NEDD4: variants seen among roughly 807,000 people sequenced by gnomAD.
NEDD4 encodes E3 ubiquitin-protein ligase NEDD4.
In NEDD4, 99 loss-of-function variants were observed where a neutral mutation model predicts 144.9. That is an observed-to-expected ratio of 0.68 (90% CI 0.58 to 0.81). NEDD4 has a LOEUF of 0.81. Ranked by LOEUF, NEDD4 falls within the 30% of genes least tolerant of loss-of-function variation. NEDD4 has a pLI of 0.00. For synonymous variants in NEDD4, 318 were observed against 350.6 expected (o/e 0.91, Z 1.04); for missense variants, 985 against 1,065.9 (o/e 0.92, Z 1.06).
intron 9 of NEDD4, among the ~76,000 whole-genome samples, chr15:55,862,704 G>C (rs1357063967): frequency 6.6e-6 from 1 of 152,098 alleles, no homozygotes; most frequent in Non-Finnish European, 1.5e-5. Flanking sequence ...GTAGTATCTA[G>C]AGTCAAGTAA....
At chr15:55,941,814 A>C (rs8042640) in intron 4 of NEDD4, among the ~76,000 whole-genome samples, 139,942 of 152,192 alleles carry the variant, frequency 0.92, 64,456 homozygotes, top group Non-Finnish European at 0.95. Context: ...CTCAAGTGAT[A>C]TGCCTGCATC....
At chr15:55,990,699 A>G (rs1293116489) in intron 1 of NEDD4, among the ~76,000 whole-genome samples, 3 of 152,124 alleles carry the variant, frequency 2.0e-5, no homozygotes, top group African/African-American at 4.8e-5. Context: ...TGTGGGAAAC[A>G]GTGTTTAGTT....
At chr15:55,921,983 A>T (rs1392722249) in intron 5 of NEDD4, among the ~76,000 whole-genome samples, 1 of 152,236 alleles carries the variant, frequency 6.6e-6, no homozygotes, top group Non-Finnish European at 1.5e-5. Flanking sequence ...AAAATAGTTC[A>T]CCAATAATAC....
At chr15:55,914,915 C>G (rs1202882112) in intron 5 of NEDD4, among the ~76,000 whole-genome samples, 1 of 151,762 alleles carries the variant, frequency 6.6e-6, no homozygotes, top group African/African-American at 2.4e-5. Context: ...AAGTATTGAG[C>G]TACACAAAAG....
chr15:55,832,868 A>C (rs754323847), intron 27 of NEDD4, 140 bp downstream of exon 27: 1 of 602,336 alleles, frequency 1.7e-6, no homozygotes, highest in Non-Finnish European at 2.9e-6. Flanking sequence ...AGTGTCCCTA[A>C]TGGTATCACT....
chr15:55,966,451 T>C lies in NEDD4; in HGVS notation c.119+22A>G, dbSNP rs2037514293. 3 of 1,423,452 alleles carry C rather than the reference T, an allele frequency of 2.1e-6. No homozygotes were observed. In the Admixed American group the frequency reaches 7.8e-5, roughly 37 times the overall value. The allele number at this position is 1,423,452 out of a possible 1,614,324, so 88.2% of individuals were successfully genotyped here. ...TAACAAATGCAAAGTTTTAAAATTATAATCCAAATAGATATACTTACCTAG... is the reference window on the plus strand; with the variant it reads ...TAACAAATGCAAAGTTTTAAAATTACAATCCAAATAGATATACTTACCTAG... On this transcript the variant is annotated intron_variant, in intron 2 of 28. Transcript: ENST00000435532.
At position 55,895,699 on chromosome 15, in the gene NEDD4, A is replaced by G. The variant is rs570395438; in HGVS notation, c.292-21691T>C. 2.0e-5 allele frequency among the ~76,000 whole-genome samples: 3 copies of G among 152,292 alleles called. No homozygotes were observed. In the South Asian group the frequency reaches 6.2e-4, roughly 32 times the overall value. On this transcript the variant is annotated intron_variant, in intron 5 of 28. Coordinates refer to ENST00000435532, the MANE Select transcript of NEDD4 (RefSeq NM_006154.4). ...AATTTGCAGTTCTTGGGTGATACTA[A>G]TGCATCTGGCCAGCAATACACCTTG...
rs917730535 is a variant in NEDD4 at position 55,838,385 on chromosome 15, C to T, written c.2127+124G>A. On this transcript the variant is annotated intron_variant, in intron 22 of 28. Transcript: ENST00000435532. ...GAAAGTACAAATTCTTGCTCAGAGACAGCTTTTGTTACTGGGAAATGAATG... is the reference window on the plus strand; with the variant it reads ...GAAAGTACAAATTCTTGCTCAGAGATAGCTTTTGTTACTGGGAAATGAATG... The T allele has an allele frequency of 3.9e-6, 3 of 767,586 alleles. No homozygotes were observed. In the South Asian group the frequency reaches 5.0e-5, roughly 13 times the overall value. The allele number at this position is 767,586 out of a possible 1,614,324, so 47.5% of individuals were successfully genotyped here. A position where few individuals can be genotyped will look rare whatever the true frequency, so the allele number is the denominator to read the frequency against.
chr15:55,856,254 T>G, intron 11 of NEDD4, 58 bp from the exon 12 acceptor site: 1 of 1,471,360 alleles, frequency 6.8e-7, no homozygotes, highest in Non-Finnish European at 9.5e-7. Context: ...TGCCTTTGAG[T>G]GACAGCTAAG....
intron 5 of NEDD4, among the ~76,000 whole-genome samples, chr15:55,892,558 T>C (rs1311137498): frequency 6.6e-6 from 1 of 152,046 alleles, no homozygotes; most frequent in Non-Finnish European, 1.5e-5. Context: ...ATCAGCACTT[T>C]TCTTTCAAGA....
intron 4 of NEDD4, among the ~76,000 whole-genome samples, chr15:55,946,157 T>C (rs1258742155): frequency 1.3e-5 from 2 of 152,090 alleles, no homozygotes; most frequent in African/African-American, 2.4e-5. Context: ...CATAACAATA[T>C]TAACCTTAAA....
chr15:55,920,348 T>C (rs998307660), intron 5 of NEDD4, among the ~76,000 whole-genome samples: 1 of 152,116 alleles, frequency 6.6e-6, no homozygotes, highest in Non-Finnish European at 1.5e-5. Context: ...ACCCAGAATA[T>C]AGGTGGCTCC....
intron 8 of NEDD4, among the ~76,000 whole-genome samples, chr15:55,863,810 C>T (rs1055949846): frequency 4.1e-4 from 62 of 152,190 alleles, no homozygotes; most frequent in African/African-American, 1.4e-3. Context: ...AACTATCTGA[C>T]ACATGGAAAA....
chr15:55,962,720 A>C (rs1485379359), intron 2 of NEDD4, among the ~76,000 whole-genome samples: 9 of 152,092 alleles, frequency 5.9e-5, no homozygotes, highest in Admixed American at 1.3e-4. Context: ...TCGGGATTAC[A>C]AGGGTGAGCC....
intron 17 of NEDD4, 52 bp from the exon 18 acceptor site, chr15:55,847,086 G>A (rs773186343): frequency 2.8e-5 from 34 of 1,218,616 alleles, no homozygotes; most frequent in Non-Finnish European, 3.6e-5. Flanking sequence ...TTTTTATTCT[G>A]GAACAATTTT....
At chr15:55,880,459 G>A (rs533309029) in intron 5 of NEDD4, among the ~76,000 whole-genome samples, 11 of 150,820 alleles carry the variant, frequency 7.3e-5, no homozygotes, top group Non-Finnish European at 8.9e-5. Context: ...TGAAATATAA[G>A]AGAGTACTTC....
rs761351364 is a variant in NEDD4, at chr15:55,838,114, A to G, written c.2194T>C (p.Tyr732His). Residue 732 changes from tyrosine to histidine, a missense_variant, in exon 23 of 29, where the codon TAT becomes CAT. By Grantham distance (83) the Tyr-to-His change is moderately conservative. Coordinates refer to ENST00000435532, the MANE Select transcript of NEDD4 (RefSeq NM_006154.4). ...IVVTNKNKKEYIYLVIQWRFV... is the reference protein window; with the variant it reads ...IVVTNKNKKEHIYLVIQWRFV... ...TACTAATAAAATACTTACTAAATAT[A>G]TTCCTTTTTGTTCTTATTGGTGACA... 1.3e-6 allele frequency: 2 copies of G among 1,549,552 alleles called. No homozygotes were observed. Among genetic ancestry groups the G allele is most frequent in the Non-Finnish European group, 1.8e-6 (2 of 1,132,782 alleles).
At chr15:55,850,006 G>T (rs1442152326) in intron 14 of NEDD4, among the ~76,000 whole-genome samples, 1 of 151,976 alleles carries the variant, frequency 6.6e-6, no homozygotes, top group South Asian at 2.1e-4. Context: ...TGTTAGCCAG[G>T]ATGGTCTCGA....
intron 27 of NEDD4, among the ~76,000 whole-genome samples, chr15:55,831,645 T>C (rs1595719233): frequency 6.6e-6 from 1 of 152,212 alleles, no homozygotes; most frequent in South Asian, 2.1e-4. Context: ...GGTAGAGAGG[T>C]AGCAGCTGCT....
Sources: gnomAD v4.1 joint callset for allele counts (sites outside exome capture counted in the v4.1 genomes callset) on GRCh38, gnomAD v4.1.1 for gene constraint, MANE v1.5 for transcripts, NCBI Gene and HGNC (gene_info 2026-07-23, HGNC 2026-07-21) for gene names.